SLC46A3: variants seen among roughly 807,000 people sequenced by gnomAD.
SLC46A3 encodes lysosomal proton-coupled steroid conjugate and bile acid symporter SLC46A3.
A neutral mutation model predicts 38.5 loss-of-function variants in SLC46A3; 26 were observed. The observed-to-expected ratio is 0.68, with a 90% CI of 0.49 to 0.94. The LOEUF is 0.94. Ranked by LOEUF, SLC46A3 falls within the 40% of genes least tolerant of loss-of-function variation. The pLI is 0.00. For missense variants in SLC46A3, 510 were observed against 544.3 expected (o/e 0.94, Z 0.63); for synonymous variants, 185 against 192.5 (o/e 0.96, Z 0.32).
chr13:28,707,746 A>G (rs1889693822), intron 4 of SLC46A3, among the ~76,000 whole-genome samples: 5 of 152,134 alleles, frequency 3.3e-5, no homozygotes, highest in Admixed American at 3.3e-4. Flanking sequence ...GGTTCTTAGT[A>G]TGTTGCAGAT....
chr13:28,712,981 A>G lies in SLC46A3; in HGVS notation c.759T>C (p.Ser253=). The change falls in exon 3 of 6, where the codon TCT becomes TCC. Residue 253 remains serine, a synonymous_variant. Transcript: ENST00000266943. The part of the protein sequence containing the change: ...YRTYMLFKNA[S]GKRRFLLCLL... ...AACAGAGCAAAAATCGTCTCTTACC[A>G]GAAGCATTCTTAAAAAGCATGTAAG... 1.9e-6 allele frequency: 3 copies of G among 1,613,436 alleles called. No homozygotes were observed. Among genetic ancestry groups the G allele is most frequent in the Non-Finnish European group, 1.7e-6 (2 of 1,179,878 alleles).
chr13:28,717,829 G>T lies in SLC46A3; in HGVS notation c.170C>A (p.Pro57Gln). 6.2e-7 allele frequency: 1 copy of T among 1,613,090 alleles called. No individual in the cohort carries two copies. The highest frequency in any genetic ancestry group is 1.7e-4 in the Middle Eastern group (1 of 6,056). Reference sequence around the variant, plus strand: ...TCTTACCTCCTGGAATGCAAAAATTGGGCTGCTTTTGTTTTTTTCACACTC... The same window carrying T: ...TCTTACCTCCTGGAATGCAAAAATTTGGCTGCTTTTGTTTTTTTCACACTC... ...ISECEKNKSS[P>Q]IFAFQEEVQK... Residue 57 changes from proline to glutamine, a missense_variant, in exon 2 of 6, where the codon CCA becomes CAA. Transcript: ENST00000266943.
Position 28,701,495 on chromosome 13 carries a change from A to T in SLC46A3, c.*2T>A, listed in dbSNP as rs147226628. 9 of 1,611,310 alleles carry T rather than the reference A, an allele frequency of 5.6e-6. No individual in the cohort carries two copies. Among genetic ancestry groups the T allele is most frequent in the Non-Finnish European group, 7.6e-6 (9 of 1,178,992 alleles). On this transcript the variant is annotated 3_prime_UTR_variant, in exon 6 of 6. Coordinates refer to ENST00000266943, the MANE Select transcript of SLC46A3 (RefSeq NM_181785.4). ...GATTTTTTTTGTTTGTTTAAATCAC[A>T]GTCACCTGTCTGAAGCATCTTCACT... is the stretch of plus-strand genomic sequence containing the variant.
intron 5 of SLC46A3, among the ~76,000 whole-genome samples, chr13:28,701,791 C>T (rs1255630944): frequency 1.3e-5 from 2 of 152,076 alleles, no homozygotes; most frequent in African/African-American, 4.8e-5. Context: ...CTCTTCTAGA[C>T]CCCTAAGGTA....
In SLC46A3 at chr13:28,717,865, C is replaced by G. The variant is rs1566126155; in HGVS notation, c.134G>C (p.Ser45Thr). 6.2e-7 allele frequency: 1 copy of G among 1,613,926 alleles called. No individual in the cohort carries two copies. The highest frequency in any genetic ancestry group is 1.6e-4 in the Middle Eastern group (1 of 6,062). ...ETGNYTFSSD[S>T]NISECEKNKS... ...GTTTTTTTCACACTCAGAAATATTG[C>G]TATCAGATGAAAAAGTGTAGTTGCC... The change falls in exon 2 of 6, where the codon AGC (serine) becomes ACC (threonine). Residue 45 changes from serine to threonine, a missense_variant. By Grantham distance (58) the Ser-to-Thr change is moderately conservative (BLOSUM62 1). Transcript: ENST00000266943.
chr13:28,709,281 C>T (rs1885272052), intron 4 of SLC46A3, among the ~76,000 whole-genome samples: 1 of 150,336 alleles, frequency 6.7e-6, no homozygotes, highest in South Asian at 2.1e-4. Flanking sequence ...GAGATCACAC[C>T]ATTGCACTCC....
intron 2 of SLC46A3, 65 bp from the exon 3 acceptor site, chr13:28,713,615 A>G (rs944167947): frequency 5.4e-6 from 8 of 1,472,834 alleles, no homozygotes; most frequent in Non-Finnish European, 7.3e-6. Context: ...TAAAAATATC[A>G]TGGTGCATAT....
At position 28,701,547 on chromosome 13, in the gene SLC46A3, A is replaced by G. The variant is rs1373735793; in HGVS notation, c.1336T>C (p.Tyr446His). Residue 446 changes from tyrosine to histidine, a missense_variant, in exon 6 of 6, where the codon TAT becomes CAT. Physicochemically the swap from Tyr to His is moderately conservative, Grantham distance 83. Transcript: ENST00000266943. ...VKCTSWNEGS[Y>H]ELLIQEESSE... ...GATTCTTCTTGTATAAGAAGTTCAT[A>G]GCTTCCCTCATTCCAGCTGGTACAC... is the stretch of plus-strand genomic sequence containing the variant. 4.3e-6 allele frequency: 7 copies of G among 1,613,564 alleles called. No individual in the cohort carries two copies. The highest frequency in any genetic ancestry group is 4.2e-6 in the Non-Finnish European group (5 of 1,179,604).
rs1593183196 is a variant in SLC46A3 at position 28,701,341 on chromosome 13, G to A, written c.*156C>T. 1.4e-6 allele frequency: 2 copies of A among 1,434,938 alleles called. No individual in the cohort carries two copies. Among genetic ancestry groups the A allele is most frequent in the Non-Finnish European group, 1.8e-6 (2 of 1,095,608 alleles). The allele number at this position is 1,434,938 out of a possible 1,614,324, so 88.9% of individuals were successfully genotyped here. On this transcript the variant is annotated 3_prime_UTR_variant, in exon 6 of 6. Transcript: ENST00000266943. ...GTGCGTGGTACCACAAGAAGCTAAA[G>A]CCAGGAGCTGTCTCTCTGACTGTTC...
chr13:28,714,487 G>A (rs528207906), intron 2 of SLC46A3, among the ~76,000 whole-genome samples: 74 of 152,288 alleles, frequency 4.9e-4, no homozygotes, highest in African/African-American at 1.6e-3. Flanking sequence ...GGTGGCTCAC[G>A]CCTGTAATCC....
intron 4 of SLC46A3, 118 bp downstream of exon 4, chr13:28,710,642 A>T: frequency 3.7e-6 from 3 of 805,218 alleles, no homozygotes; most frequent in South Asian, 3.3e-5. Flanking sequence ...CTTTATTCAA[A>T]AGGAGATCCG....
At position 28,700,975 on chromosome 13, in the gene SLC46A3, C is replaced by G. The variant is rs1282246489; in HGVS notation, c.*522G>C. On this transcript the variant is annotated 3_prime_UTR_variant, in exon 6 of 6. Transcript: ENST00000266943. ...ACAGGCTCTATAAAATAAAGCATTA[C>G]CAAGTATAGGTAAAATCATACATAT... The G allele has an allele frequency of 6.5e-7, 1 of 1,534,348 alleles. No homozygotes were observed. Among genetic ancestry groups the G allele is most frequent in the South Asian group, 1.2e-5 (1 of 83,292 alleles).
chr13:28,702,705 T>C (rs888940415), intron 5 of SLC46A3, among the ~76,000 whole-genome samples: 1 of 152,242 alleles, frequency 6.6e-6, no homozygotes, highest in Non-Finnish European at 1.5e-5. Flanking sequence ...ACTGTTGTTC[T>C]CTGACACAGA....
chr13:28,707,415 GA>G (rs1395543223), intron 4 of SLC46A3, among the ~76,000 whole-genome samples: 13 of 122,840 alleles, frequency 1.1e-4, no homozygotes, highest in African/African-American at 3.6e-4. Context: ...TGGGGGGAGG[GA>G]GGAGGGGGGA....
intron 4 of SLC46A3, among the ~76,000 whole-genome samples, chr13:28,709,049 C>T (rs760464186): frequency 2.0e-5 from 3 of 151,910 alleles, no homozygotes; most frequent in South Asian, 2.1e-4. Flanking sequence ...AGGCCGGGTG[C>T]GGTGGGTCAC....
Position 28,708,524 on chromosome 13 carries a change from G to A in SLC46A3, c.1144+2236C>T, listed in dbSNP as rs763582794. ...AAGAGTTCTTAAATATGCTGGATAC[G>A]AGTTCCTGCTCAGACAAATATAATT... On this transcript the variant is annotated intron_variant, in intron 4 of 5. Transcript: ENST00000266943. 3.1e-4 allele frequency among the ~76,000 whole-genome samples: 47 copies of A among 151,928 alleles called. No homozygotes were observed. In the Middle Eastern group the frequency reaches 0.01, roughly 33 times the overall value.
chr13:28,704,269 C>T, intron 4 of SLC46A3, 170 bp from the exon 5 acceptor site: 2 of 615,552 alleles, frequency 3.2e-6, no homozygotes, highest in South Asian at 4.4e-5. Context: ...AGTCAGCAGC[C>T]CATTCTGCAG....
rs1885614970 is a variant in SLC46A3, at chr13:28,718,814, C to T, written c.-343G>A. On this transcript the variant is annotated 5_prime_UTR_variant, in exon 1 of 6. Coordinates refer to ENST00000266943, the MANE Select transcript of SLC46A3 (RefSeq NM_181785.4). ...CGGCAGCCCTCGGCTTCCCCGCGGC[C>T]CTGCGGACCTCGGCCTCAGCGCGGC... 2.6e-5 allele frequency: 4 copies of T among 152,408 alleles called. No homozygotes were observed. Among genetic ancestry groups the T allele is most frequent in the African/African-American group, 9.6e-5 (4 of 41,468 alleles). 9.4% of individuals were successfully genotyped at this position (152,408 alleles called of 1,614,324 possible). A position where few individuals can be genotyped will look rare whatever the true frequency, so the allele number is the denominator to read the frequency against.
intron 4 of SLC46A3, among the ~76,000 whole-genome samples, chr13:28,705,959 T>C (rs1208667557): frequency 6.6e-6 from 1 of 152,212 alleles, no homozygotes; most frequent in African/African-American, 2.4e-5. Context: ...AACCATACTA[T>C]TATGAAGTAG....
Sources: gnomAD v4.1 joint callset for allele counts (sites outside exome capture counted in the v4.1 genomes callset) on GRCh38, gnomAD v4.1.1 for gene constraint, MANE v1.5 for transcripts, NCBI Gene and HGNC (gene_info 2026-07-23, HGNC 2026-07-21) for gene names.